Variants in CCDC158 observed in about 807,000 individuals in gnomAD.
CCDC158 encodes coiled-coil domain-containing protein 158.
CCDC158 carries 116 observed loss-of-function variants against 138.6 expected under a neutral mutation model. The observed-to-expected ratio is 0.84, with a 90% CI of 0.72 to 0.98. The LOEUF (loss-of-function observed/expected upper bound fraction) is 0.98, where lower values mean the gene tolerates loss of function less well. Ranked by LOEUF, CCDC158 falls within the 50% of genes least tolerant of loss-of-function variation. The probability of loss-of-function intolerance (pLI) is 0.00; values close to 1 mark genes in which losing one functional copy is unlikely to be tolerated. For missense variants in CCDC158, 1,265 were observed against 1,306.1 expected (o/e 0.97, Z 0.48); for synonymous variants, 436 against 442.4 (o/e 0.99, Z 0.18).
chr4:76,318,761 T>A (rs1377898839), intron 24 of CCDC158, among the ~76,000 whole-genome samples: 2 of 151,612 alleles, frequency 1.3e-5, no homozygotes, highest in African/African-American at 4.8e-5. Flanking sequence ...AAAATCCACA[T>A]ATTCTATGAA....
chr4:76,376,700 A>G (rs1163913353), intron 9 of CCDC158, among the ~76,000 whole-genome samples: 1 of 152,162 alleles, frequency 6.6e-6, no homozygotes, highest in Non-Finnish European at 1.5e-5. Context: ...GCCAGAGTGT[A>G]CTTAGCTATA....
chr4:76,318,131 C>T (rs934118975), intron 24 of CCDC158, among the ~76,000 whole-genome samples: 1 of 151,690 alleles, frequency 6.6e-6, no homozygotes, highest in African/African-American at 2.4e-5. Context: ...AAACCCAAAC[C>T]CAGCAGAAGA....
At chr4:76,355,256 T>G in intron 15 of CCDC158, 68 bp downstream of exon 15, 1 of 994,006 alleles carries the variant, frequency 1.0e-6, no homozygotes. Context: ...CTGCTTCATC[T>G]TATTCTGCCT....
intron 16 of CCDC158, chr4:76,352,222 C>G (rs1723112400): frequency 6.5e-6 from 1 of 154,278 alleles, no homozygotes; most frequent in Non-Finnish European, 1.4e-5. Context: ...TCCTGGCCAA[C>G]ATGGTGAAAC....
chr4:76,360,080 A>G (rs558410158), intron 13 of CCDC158, among the ~76,000 whole-genome samples: 1 of 152,214 alleles, frequency 6.6e-6, no homozygotes, highest in African/African-American at 2.4e-5. Flanking sequence ...TCCAGTTCCA[A>G]CTCTGGTTAA....
Position 76,382,693 on chromosome 4 carries a change from T to C in CCDC158, c.831A>G (p.Glu277=). ...DRIEQLISEH[E]VEITGLTEKA... ...TCTCAGTAAGTCCTGTTATTTCAAC[T>C]TCATGTTCACTTATTAACTGCTCAA... is the stretch of plus-strand genomic sequence containing the variant. Residue 277 remains glutamate (E), a synonymous_variant, in exon 8 of 25, where the codon GAA becomes GAG. Coordinates refer to ENST00000682701, the MANE Select transcript of CCDC158 (RefSeq NM_001394954.1). 6.2e-7 allele frequency: 1 copy of C among 1,613,084 alleles called. No homozygotes were observed. The highest frequency in any genetic ancestry group is 8.5e-7 in the Non-Finnish European group (1 of 1,179,216).
intron 11 of CCDC158, among the ~76,000 whole-genome samples, chr4:76,368,419 A>G (rs751685227): frequency 1.3e-5 from 2 of 152,180 alleles, no homozygotes; most frequent in African/African-American, 4.8e-5. Flanking sequence ...TGGTCCTTTC[A>G]TCTTTCTTCT....
intron 8 of CCDC158, among the ~76,000 whole-genome samples, chr4:76,380,826 G>A (rs1281372595): frequency 1.3e-5 from 2 of 152,200 alleles, no homozygotes; most frequent in African/African-American, 4.8e-5. Flanking sequence ...TGTAAGCCAG[G>A]GCCCTCTCTA....
chr4:76,383,702 G>A lies in CCDC158; in HGVS notation c.763C>T (p.Gln255Ter). The A allele has an allele frequency of 6.2e-7, 1 of 1,613,506 alleles. No homozygotes were observed. Among genetic ancestry groups the A allele is most frequent in the Non-Finnish European group, 8.5e-7 (1 of 1,179,584 alleles). The change falls in exon 7 of 25, where the codon CAG (glutamine) becomes TAG (stop). Residue 255 changes from glutamine to a stop codon, truncating the protein, a stop_gained. Coordinates refer to ENST00000682701, the MANE Select transcript of CCDC158 (RefSeq NM_001394954.1). LOFTEE classifies it high-confidence loss of function. ...TGCAGAAGTAGTTCTATTTTGTTCT[G>A]TGATTCAGATTTCAGTGCTTCAAGT... ...DQLEALKSES[Q>*]NKIELLLQQH...
At chr4:76,377,376 T>C (rs1022110097) in intron 9 of CCDC158, among the ~76,000 whole-genome samples, 7 of 152,218 alleles carry the variant, frequency 4.6e-5, no homozygotes, top group Admixed American at 2.0e-4. Context: ...TATTCATGAA[T>C]ATGCATTATT....
Position 76,313,203 on chromosome 4 carries a change from T to C in CCDC158, c.3321A>G (p.Lys1107=). ...MIRNQEKRIQ[K]VKDQEKMLLK ...GTAACATTTTTTCCTGGTCTTTTAC[T>C]TTCTGTATCCTCTTTTCTTGATTTC... The change falls in exon 25 of 25, where the codon AAA becomes AAG. Residue 1107 remains lysine, a synonymous_variant. Transcript: ENST00000682701. 6.2e-7 allele frequency: 1 copy of C among 1,609,502 alleles called. No individual in the cohort carries two copies. The highest frequency in any genetic ancestry group is 8.5e-7 in the Non-Finnish European group (1 of 1,177,490).
At chr4:76,395,757 GACTGTTAACT>G (rs1727725700) in intron 4 of CCDC158, among the ~76,000 whole-genome samples, 1 of 152,176 alleles carries the variant, frequency 6.6e-6, no homozygotes, top group Non-Finnish European at 1.5e-5. Flanking sequence ...TTGACTTTTA[GACTGTTAACT>G]ACTGGGACCA....
chr4:76,390,360 A>G (rs1490114160), intron 4 of CCDC158, among the ~76,000 whole-genome samples: 1 of 152,042 alleles, frequency 6.6e-6, no homozygotes, highest in East Asian at 1.9e-4. Flanking sequence ...CCTCAAAGGT[A>G]AAAAAACATA....
At chr4:76,390,857 T>A (rs1224209715) in intron 4 of CCDC158, among the ~76,000 whole-genome samples, 3 of 151,920 alleles carry the variant, frequency 2.0e-5, no homozygotes, top group Non-Finnish European at 2.9e-5. Flanking sequence ...AAAATAGATT[T>A]AAAGACAAAA....
chr4:76,419,363 T>C (rs1729935940), intron 1 of CCDC158, among the ~76,000 whole-genome samples: 1 of 152,174 alleles, frequency 6.6e-6, no homozygotes, highest in Non-Finnish European at 1.5e-5. Context: ...ATGTGATTTA[T>C]GAGCACGCTC....
chr4:76,421,798 A>G (rs566686826), upstream of CCDC158: 17 of 152,222 alleles, frequency 1.1e-4, no homozygotes, highest in African/African-American at 3.9e-4. Context: ...TGTTCTCGGC[A>G]TAGCTGACCC....
In CCDC158 at chr4:76,350,995, C is replaced by T; in HGVS notation, c.2664+1G>A. On this transcript the variant is annotated splice_donor_variant, in intron 18 of 24. Coordinates refer to ENST00000682701, the MANE Select transcript of CCDC158 (RefSeq NM_001394954.1). LOFTEE classifies it high-confidence loss of function. ...AATGGATCATAAGACTGGTTACTTA[C>T]ATGAGACAGGAAGCTGGCTGTAGAC... 1 of 1,613,152 alleles carries T rather than the reference C, an allele frequency of 6.2e-7. No homozygotes were observed. The highest frequency in any genetic ancestry group is 8.5e-7 in the Non-Finnish European group (1 of 1,179,500).
intron 18 of CCDC158, among the ~76,000 whole-genome samples, chr4:76,335,336 T>C (rs1328644282): frequency 1.3e-5 from 2 of 152,136 alleles, no homozygotes; most frequent in Non-Finnish European, 2.9e-5. Context: ...GAAAAACTTA[T>C]CCTATGGCAA....
chr4:76,343,396 T>A (rs566892636), intron 18 of CCDC158, among the ~76,000 whole-genome samples: 11 of 152,222 alleles, frequency 7.2e-5, no homozygotes, highest in Admixed American at 6.5e-5. Context: ...TGAATGGACA[T>A]CCAAGGGTCA....
Sources: gnomAD v4.1 joint callset for allele counts (sites outside exome capture counted in the v4.1 genomes callset) on GRCh38, gnomAD v4.1.1 for gene constraint, MANE v1.5 for transcripts, NCBI Gene and HGNC (gene_info 2026-07-23, HGNC 2026-07-21) for gene names.